Variants in TUT7 observed in about 807,000 individuals in gnomAD.
The protein encoded by TUT7 is terminal uridylyltransferase 7.
In TUT7, 33 loss-of-function variants were observed where a neutral mutation model predicts 165.9. The ratio of observed to expected loss-of-function variants is 0.20; its 90% confidence interval spans 0.15 to 0.27. The LOEUF is 0.27. Ranked by LOEUF, TUT7 falls within the 10% of genes least tolerant of loss-of-function variation. TUT7 has a pLI of 1.00. For synonymous variants in TUT7, 552 were observed against 608.1 expected, an observed-to-expected ratio of 0.91 and a Z score of 1.36; for missense variants, 1,338 against 1,762.3, an observed-to-expected ratio of 0.76 and a Z score of 4.31.
At chr9:86,318,873 T>C (rs770173367) in intron 16 of TUT7, 85 bp downstream of exon 16, 53 of 1,062,484 alleles carry the variant, frequency 5.0e-5, no homozygotes, top group African/African-American at 7.9e-5. Flanking sequence ...CCTGATAAAT[T>C]TGGAAAATAC....
At position 86,305,140 on chromosome 9, in the gene TUT7, A is replaced by T. The variant is rs1210369763; in HGVS notation, c.3886+52T>A. ...AGCAAGACCCTGTCTCTATTATAAA[A>T]GTAAATACATAAGTAAAATAAAAAA... On this transcript the variant is annotated intron_variant, in intron 23 of 26. Transcript: ENST00000375963. 1.3e-6 allele frequency: 2 copies of T among 1,494,504 alleles called. No individual in the cohort carries two copies. The highest frequency in any genetic ancestry group is 1.8e-6 in the Non-Finnish European group (2 of 1,098,822). The allele number at this position is 1,494,504 out of a possible 1,614,324, so 92.6% of individuals were successfully genotyped here. A position where few individuals can be genotyped will look rare whatever the true frequency, so the allele number is the denominator to read the frequency against.
At chr9:86,288,849 C>T in intron 26 of TUT7, 105 bp from the exon 27 acceptor site, 1 of 766,348 alleles carries the variant, frequency 1.3e-6, no homozygotes, top group Non-Finnish European at 2.1e-6. Context: ...AAACTTCATA[C>T]TAGAATTGGT....
chr9:86,288,574 G>A lies in TUT7; in HGVS notation c.*103C>T. 1.3e-6 allele frequency: 1 copy of A among 769,266 alleles called. No individual in the cohort carries two copies. The highest frequency in any genetic ancestry group is 2.8e-5 in the East Asian group (1 of 35,822). 47.7% of individuals were successfully genotyped at this position (769,266 alleles called of 1,614,324 possible). On this transcript the variant is annotated 3_prime_UTR_variant, in exon 27 of 27. Coordinates refer to ENST00000375963, the MANE Select transcript of TUT7 (RefSeq NM_024617.4). ...ATCTGACATTTCCCTTAAATGTTAA[G>A]TTGAAGCCTGATCTACACTGCTGTG... is the stretch of plus-strand genomic sequence containing the variant.
Position 86,319,645 on chromosome 9 carries a change from T to A in TUT7, c.3054A>T (p.Glu1018Asp). 6.2e-7 allele frequency: 1 copy of A among 1,608,764 alleles called. No homozygotes were observed. The highest frequency in any genetic ancestry group is 1.1e-5 in the South Asian group (1 of 89,308). The change falls in exon 15 of 27, where the codon GAA becomes GAT. Residue 1018 changes from glutamate (E) to aspartate (D), a missense_variant. This residue lies in a region of TUT7 where 425 missense variants were observed against 474.9 expected (regional missense o/e 0.89). Transcript: ENST00000375963. ...CYKDFSPTII[E>D]DQAREHIRQN... Reference sequence around the variant, plus strand: ...GCCGAATATGTTCACGAGCCTGATCTTCTATAATTGTTGGAGAAAAATCCT... The same window carrying A: ...GCCGAATATGTTCACGAGCCTGATCATCTATAATTGTTGGAGAAAAATCCT...
chr9:86,335,568 T>C (rs1830688660), intron 10 of TUT7, among the ~76,000 whole-genome samples: 1 of 152,170 alleles, frequency 6.6e-6, no homozygotes, highest in Non-Finnish European at 1.5e-5. Context: ...TTTGGTCTTG[T>C]CCATCTTTGT....
chr9:86,349,424 A>G (rs1832076536), intron 2 of TUT7, among the ~76,000 whole-genome samples: 1 of 152,190 alleles, frequency 6.6e-6, no homozygotes, highest in African/African-American at 2.4e-5. Context: ...CACAAAGGAC[A>G]TGTGTATTTG....
chr9:86,344,642 T>A (rs1831598586), intron 5 of TUT7, among the ~76,000 whole-genome samples: 1 of 151,836 alleles, frequency 6.6e-6, no homozygotes, highest in African/African-American at 2.4e-5. Flanking sequence ...GATACTTCTC[T>A]TGATTTTAAC....
Position 86,311,421 on chromosome 9 carries a change from T to G in TUT7, c.3275-612A>C, listed in dbSNP as rs1286079507. 5.9e-5 allele frequency among the ~76,000 whole-genome samples: 9 copies of G among 151,874 alleles called. No individual in the cohort carries two copies. Among genetic ancestry groups the G allele is most frequent in the Non-Finnish European group, 1.0e-4 (7 of 67,968 alleles). ...AAAAGTGTAGATGCCTGAAATAGAA[T>G]GGTACGTTCAGGGAAGTTCCAGAGA... is the stretch of plus-strand genomic sequence containing the variant. On this transcript the variant is annotated intron_variant, in intron 17 of 26. Transcript: ENST00000375963. This position sits in a 1 kb window ranked among gnomAD's most constrained non-coding sequence, Gnocchi z 4.4.
At chr9:86,310,929 A>G in intron 17 of TUT7, 120 bp from the exon 18 acceptor site, 3 of 608,142 alleles carry the variant, frequency 4.9e-6, no homozygotes, top group Non-Finnish European at 8.9e-6. Flanking sequence ...CATTGCATTC[A>G]TTAGGACTTG....
intron 19 of TUT7, 129 bp downstream of exon 19, chr9:86,309,799 G>T: frequency 1.0e-6 from 1 of 1,003,216 alleles, no homozygotes; most frequent in Non-Finnish European, 1.5e-6. Context: ...TTTCTTCATA[G>T]GGTCTCCCAA....
chr9:86,299,562 G>A (rs1463919601), intron 26 of TUT7, among the ~76,000 whole-genome samples: 2 of 152,120 alleles, frequency 1.3e-5, no homozygotes, highest in Non-Finnish European at 2.9e-5. Context: ...ACTTTAATGT[G>A]TCAAGACTGC....
At chr9:86,329,037 C>T (rs1369052155) in intron 10 of TUT7, among the ~76,000 whole-genome samples, 2 of 152,148 alleles carry the variant, frequency 1.3e-5, no homozygotes, top group African/African-American at 2.4e-5. Flanking sequence ...AGAACTAGAT[C>T]CAGCTAATTA....
intron 25 of TUT7, chr9:86,301,877 A>G (rs527461966): frequency 1.0e-6 from 1 of 982,584 alleles, no homozygotes; most frequent in Non-Finnish European, 1.2e-6. Flanking sequence ...CTGAATGCCT[A>G]CTTTGACACT....
intron 17 of TUT7, among the ~76,000 whole-genome samples, chr9:86,316,905 C>T (rs1206530775): frequency 6.6e-6 from 1 of 151,322 alleles, no homozygotes; most frequent in Non-Finnish European, 1.5e-5. Flanking sequence ...ACTAACGATA[C>T]AACAATAAAA....
chr9:86,297,850 C>T (rs12380880), intron 26 of TUT7, among the ~76,000 whole-genome samples: 26,869 of 150,588 alleles, frequency 0.18, 3,184 homozygotes, highest in East Asian at 0.47. Context: ...CTGCTGAAGG[C>T]GCTTCATAAC....
Position 86,338,962 on chromosome 9 carries a change from G to A in TUT7, c.1209-13C>T, listed in dbSNP as rs772363311. 4.5e-6 allele frequency: 7 copies of A among 1,560,240 alleles called. No homozygotes were observed. Among genetic ancestry groups the A allele is most frequent in the South Asian group, 1.2e-5 (1 of 81,998 alleles). ...ACACAGAAGACCACTGGTGAGAGGT[G>A]GGGGAGGAGGATGGGAAAGAAAAAA... On this transcript the variant is annotated splice_polypyrimidine_tract_variant and intron_variant, in intron 8 of 26. Coordinates refer to ENST00000375963, the MANE Select transcript of TUT7 (RefSeq NM_024617.4).
chr9:86,298,876 T>G, intron 26 of TUT7: 2 of 926,380 alleles, frequency 2.2e-6, no homozygotes, highest in South Asian at 5.0e-5. Flanking sequence ...AGGAAGAGCA[T>G]CTGAAACAGC....
chr9:86,293,288 A>G (rs1015301923), intron 26 of TUT7, among the ~76,000 whole-genome samples: 1 of 152,028 alleles, frequency 6.6e-6, no homozygotes, highest in Admixed American at 6.6e-5. Context: ...TGTCTCTACA[A>G]AAAAATTTTA....
chr9:86,323,378 C>A lies in TUT7; in HGVS notation c.2372G>T (p.Gly791Val). 1 of 1,614,134 alleles carries A rather than the reference C, an allele frequency of 6.2e-7. No homozygotes were observed. The highest frequency in any genetic ancestry group is 8.5e-7 in the Non-Finnish European group (1 of 1,180,040). The change falls in exon 13 of 27, where the codon GGC (glycine) becomes GTC (valine). Residue 791 changes from glycine to valine, a missense_variant. By Grantham distance (109) the Gly-to-Val change is moderately radical (BLOSUM62 -3). Transcript: ENST00000375963. ...CTCTTTAGCTGTGGGATTTTGGAAGCCTTCTAAATCCAAAGTGCTCTCTGA... is the reference window on the plus strand; with the variant it reads ...CTCTTTAGCTGTGGGATTTTGGAAGACTTCTAAATCCAAAGTGCTCTCTGA... Reference protein sequence around the residue: ...NESESTLDLEGFQNPTAKECE... With the variant: ...NESESTLDLEVFQNPTAKECE...
Sources: gnomAD v4.1 joint callset for allele counts (sites outside exome capture counted in the v4.1 genomes callset) on GRCh38, gnomAD v4.1.1 for gene constraint, gnomAD v4.1.1 regional missense constraint, Gnocchi (gnomAD v3.1) non-coding constraint, MANE v1.5 for transcripts, NCBI Gene and HGNC (gene_info 2026-07-23, HGNC 2026-07-21) for gene names.